The following RCOR1 variants were observed in gnomAD, a reference collection of about 807,000 sequenced individuals.
RCOR1 encodes the protein REST corepressor 1.
Under a neutral mutation model 64.0 loss-of-function variants are expected in RCOR1, and 12 were observed. That is an observed-to-expected ratio of 0.19 (90% CI 0.12 to 0.30). The LOEUF is 0.30. RCOR1 is among the 10% of genes least tolerant of loss of function. The pLI is 1.00. For missense variants in RCOR1, 502 were observed against 621.2 expected, an observed-to-expected ratio of 0.81 and a Z score of 2.04; for synonymous variants, 279 against 227.2, an observed-to-expected ratio of 1.23 and a Z score of -2.05.
chr14:102,630,671 T>C (rs1894093245), intron 2 of RCOR1, among the ~76,000 whole-genome samples: 1 of 152,074 alleles, frequency 6.6e-6, no homozygotes, highest in African/African-American at 2.4e-5. Context: ...ATAAGAAGGG[T>C]AGTGGGGACT....
intron 3 of RCOR1, among the ~76,000 whole-genome samples, chr14:102,685,485 CTTT>C (rs200809707): frequency 2.1e-5 from 3 of 139,634 alleles, no homozygotes; most frequent in Admixed American, 7.2e-5. Flanking sequence ...TTGTACATTT[CTTT>C]TTTTTTTTTT....
chr14:102,593,776 C>G (rs922137129), intron 2 of RCOR1, among the ~76,000 whole-genome samples: 1 of 152,160 alleles, frequency 6.6e-6, no homozygotes, highest in African/African-American at 2.4e-5. Flanking sequence ...CGCCTTTGCT[C>G]CTCCTCTCAG....
intron 2 of RCOR1, among the ~76,000 whole-genome samples, chr14:102,619,890 T>C (rs1267634965): frequency 1.3e-5 from 2 of 152,196 alleles, no homozygotes; most frequent in Admixed American, 1.3e-4. Flanking sequence ...ATAATCTCTT[T>C]AATTATTAGC....
At chr14:102,713,395 G>T (rs531745542) in intron 7 of RCOR1, among the ~76,000 whole-genome samples, 1 of 151,582 alleles carries the variant, frequency 6.6e-6, no homozygotes, top group Non-Finnish European at 1.5e-5. Flanking sequence ...CCATTCTCCT[G>T]CTTCAGCCTC....
intron 2 of RCOR1, among the ~76,000 whole-genome samples, chr14:102,605,950 G>C (rs1228069621): frequency 1.3e-5 from 2 of 152,090 alleles, no homozygotes; most frequent in Admixed American, 1.3e-4. Context: ...TTTTGAAATG[G>C]AGTCTCGCTC....
chr14:102,637,676 G>A (rs961381463), intron 2 of RCOR1, among the ~76,000 whole-genome samples: 7 of 151,742 alleles, frequency 4.6e-5, no homozygotes, highest in Admixed American at 4.6e-4. Context: ...CTCGAACTTA[G>A]GAGTTCAAAA....
intron 3 of RCOR1, among the ~76,000 whole-genome samples, chr14:102,690,777 T>C (rs144534246): frequency 2.7e-4 from 41 of 152,322 alleles, no homozygotes; most frequent in African/African-American, 8.7e-4. Context: ...GACATCGTAT[T>C]ATCTACTTTA....
chr14:102,705,308 C>T (rs773884390), intron 4 of RCOR1, among the ~76,000 whole-genome samples: 6 of 152,110 alleles, frequency 3.9e-5, no homozygotes, highest in East Asian at 3.8e-4. Context: ...GGCTGATTTC[C>T]GAATCACGTT....
At chr14:102,704,429 G>T (rs1363845832) in intron 4 of RCOR1, among the ~76,000 whole-genome samples, 1 of 152,138 alleles carries the variant, frequency 6.6e-6, no homozygotes, top group Non-Finnish European at 1.5e-5. Flanking sequence ...ACCCTTCTGA[G>T]ATTTTTTATT....
At chr14:102,627,275 G>A (rs1216099268) in intron 2 of RCOR1, among the ~76,000 whole-genome samples, 1 of 152,186 alleles carries the variant, frequency 6.6e-6, no homozygotes, top group African/African-American at 2.4e-5. Context: ...AATCACTCCA[G>A]TAGTTCATCC....
chr14:102,707,542 T>C (rs1222849950), intron 5 of RCOR1, 30 bp downstream of exon 5: 2 of 1,546,034 alleles, frequency 1.3e-6, no homozygotes, highest in South Asian at 2.4e-5. Context: ...GAGTTCTATT[T>C]TTTTTCTCCT....
At chr14:102,705,697 G>C (rs1353245136) in intron 4 of RCOR1, among the ~76,000 whole-genome samples, 3 of 152,150 alleles carry the variant, frequency 2.0e-5, no homozygotes, top group Non-Finnish European at 4.4e-5. Context: ...GAGCTCAAGT[G>C]ATCCTCTCAC....
At chr14:102,646,061 G>A (rs905032878) in intron 2 of RCOR1, among the ~76,000 whole-genome samples, 4 of 152,094 alleles carry the variant, frequency 2.6e-5, no homozygotes, top group African/African-American at 9.7e-5. Context: ...AACTTGCCTG[G>A]GGTTCTAGGG....
chr14:102,721,256 A>G (rs1896163471), intron 9 of RCOR1, 64 bp from the exon 10 acceptor site: 1 of 1,410,918 alleles, frequency 7.1e-7, no homozygotes, highest in Non-Finnish European at 9.9e-7. Flanking sequence ...AAGGTTCGTT[A>G]AGCTCATAAG....
rs1254156677 is a variant in RCOR1 at position 102,593,095 on chromosome 14, A to G, written c.209A>G (p.Asn70Ser). ...SAAAAPNNGQ[N>S]KSLAAAAPNG... The stretch of plus-strand genomic sequence containing the variant: ...GCCGCCGCCCCCAATAATGGCCAGA[A>G]TAAAAGTTTGGCGGCGGCGGCGCCC... Residue 70 changes from asparagine to serine, a missense_variant, in exon 1 of 12, where the codon AAT becomes AGT. Around this residue, in one of 2 missense-constraint regions of RCOR1, gnomAD observed 242 missense variants for 204.9 expected, o/e 1.18. Coordinates refer to ENST00000262241, the MANE Select transcript of RCOR1 (RefSeq NM_015156.4). 1.3e-6 allele frequency: 2 copies of G among 1,492,396 alleles called. No individual in the cohort carries two copies. The highest frequency in any genetic ancestry group is 2.9e-5 in the African/African-American group (2 of 68,232). The allele number at this position is 1,492,396 out of a possible 1,614,324, so 92.4% of individuals were successfully genotyped here. A position where few individuals can be genotyped will look rare whatever the true frequency, so the allele number is the denominator to read the frequency against.
chr14:102,685,804 A>C (rs533752382), intron 3 of RCOR1, among the ~76,000 whole-genome samples: 2 of 152,284 alleles, frequency 1.3e-5, no homozygotes, highest in South Asian at 4.2e-4. Flanking sequence ...TCTCTCAAAA[A>C]GTCCAAAAGT....
Position 102,723,075 on chromosome 14 carries a change from G to A in RCOR1, c.1419+659G>A, listed in dbSNP as rs564929114. On this transcript the variant is annotated intron_variant, in intron 11 of 11. Coordinates refer to ENST00000262241, the MANE Select transcript of RCOR1 (RefSeq NM_015156.4). Reference sequence around the variant, plus strand: ...CCTGGCCTGCCTTGCTGTTACATTTGTCCCTCTATTCCCAGAGCAGATGAG... The same window carrying A: ...CCTGGCCTGCCTTGCTGTTACATTTATCCCTCTATTCCCAGAGCAGATGAG... 3.3e-5 allele frequency among the ~76,000 whole-genome samples: 5 copies of A among 152,310 alleles called. No individual in the cohort carries two copies. The East Asian group carries it at 5.8e-4, about 18-fold the overall frequency.
At chr14:102,673,438 G>A (rs368771989) in intron 2 of RCOR1, among the ~76,000 whole-genome samples, 5 of 150,712 alleles carry the variant, frequency 3.3e-5, no homozygotes, top group Admixed American at 2.0e-4. Flanking sequence ...CTGGGTTCAC[G>A]TCATTCTCCT....
intron 2 of RCOR1, among the ~76,000 whole-genome samples, chr14:102,594,313 A>G (rs539034742): frequency 2.6e-5 from 4 of 152,174 alleles, no homozygotes; most frequent in African/African-American, 9.6e-5. Flanking sequence ...GGAGGGCTTT[A>G]GAGCTGGGGT....
Sources: allele counts gnomAD v4.1 joint callset (sites outside exome capture counted in the v4.1 genomes callset), GRCh38; gene constraint gnomAD v4.1.1; regional missense constraint gnomAD v4.1.1; transcripts MANE v1.5; gene names NCBI Gene and HGNC (gene_info 2026-07-23, HGNC 2026-07-21).